SIRT5: variants seen among roughly 807,000 people sequenced by gnomAD.
The protein encoded by SIRT5 is sirtuin 5.
A neutral mutation model predicts 40.0 loss-of-function variants in SIRT5; 26 were observed. That is an observed-to-expected ratio of 0.65 (90% confidence interval 0.48 to 0.90). The LOEUF is 0.90. Ranked by LOEUF, SIRT5 falls within the 40% of genes least tolerant of loss-of-function variation. The pLI is 0.00. For synonymous variants in SIRT5, 146 were observed against 149.1 expected (o/e 0.98, Z 0.15); for missense variants, 401 against 402.4 (o/e 1.00, Z 0.03).
At chr6:13,597,711 A>G (rs566966777) in intron 7 of SIRT5, among the ~76,000 whole-genome samples, 4 of 151,698 alleles carry the variant, frequency 2.6e-5, no homozygotes, top group African/African-American at 4.8e-5. Context: ...ACGCCTGGCT[A>G]TTTTTTGTGT....
At chr6:13,600,035 A>G (rs1338203940) in intron 8 of SIRT5, among the ~76,000 whole-genome samples, 2 of 152,244 alleles carry the variant, frequency 1.3e-5, no homozygotes, top group African/African-American at 4.8e-5. Flanking sequence ...CTACTGTAAG[A>G]CATTTGGGCT....
chr6:13,587,441 AT>A (rs1760228414), intron 3 of SIRT5, among the ~76,000 whole-genome samples: 1 of 152,178 alleles, frequency 6.6e-6, no homozygotes, highest in Non-Finnish European at 1.5e-5. Context: ...AGCTTCCCCC[AT>A]CATGAGTTCC....
chr6:13,611,199 G>GTA (rs1438493799), intron 9 of SIRT5, among the ~76,000 whole-genome samples: 13 of 97,344 alleles, frequency 1.3e-4, no homozygotes, highest in East Asian at 1.1e-3. Context: ...TGTTTTATGT[G>GTA]TGTGTGTGTA....
intron 9 of SIRT5, chr6:13,604,965 A>T (rs1021609228): frequency 1.0e-6 from 1 of 989,120 alleles, no homozygotes; most frequent in African/African-American, 1.7e-5. Context: ...TAACTGATCA[A>T]TGAAGCCAGC....
At chr6:13,592,153 G>C (rs1448488556) in intron 5 of SIRT5, among the ~76,000 whole-genome samples, 4 of 152,160 alleles carry the variant, frequency 2.6e-5, no homozygotes, top group South Asian at 2.1e-4. Flanking sequence ...GGTGGTCTAA[G>C]AGCCAGCAAC....
rs544491368 is a variant in SIRT5 at position 13,586,489 on chromosome 6, A to G, written c.116-1842A>G. ...CTAGGCAGTTTTCCCAGCCCCATTTATTAAATAGGGAATCTTTTCCCCCTT... is the reference window on the plus strand; with the variant it reads ...CTAGGCAGTTTTCCCAGCCCCATTTGTTAAATAGGGAATCTTTTCCCCCTT... On this transcript the variant is annotated intron_variant, in intron 3 of 9. Transcript: ENST00000606117. Among the ~76,000 whole-genome samples, 40 of 152,226 alleles carry G rather than the reference A, an allele frequency of 2.6e-4. No individual in the cohort carries two copies. In the South Asian group the frequency reaches 7.7e-3, roughly 29 times the overall value.
Position 13,588,484 on chromosome 6 carries a change from C to T in SIRT5, c.249+20C>T. 1 of 1,607,404 alleles carries T rather than the reference C, an allele frequency of 6.2e-7. No individual in the cohort carries two copies. The highest frequency in any genetic ancestry group is 1.1e-5 in the South Asian group (1 of 89,946). On this transcript the variant is annotated intron_variant, in intron 4 of 9. Coordinates refer to ENST00000606117, the MANE Select transcript of SIRT5 (RefSeq NM_012241.5). ...GCCCAGGTTTGTAAAGTTTCCAGAACATTAAAAGCCTCTGTCGAATGAAAC... is the reference window on the plus strand; with the variant it reads ...GCCCAGGTTTGTAAAGTTTCCAGAATATTAAAAGCCTCTGTCGAATGAAAC...
chr6:13,598,927 A>T (rs1014522642), intron 7 of SIRT5, 105 bp from the exon 8 acceptor site: 1 of 1,371,344 alleles, frequency 7.3e-7, no homozygotes, highest in African/African-American at 1.4e-5. Context: ...GAGGCATCAG[A>T]GGTGACCCAT....
chr6:13,615,029 G>T lies in SIRT5; in HGVS notation c.*3164G>T. ...GCGATTACCGGTTTTCTGAGCACCG[G>T]ACAGCGTGAGCCGTGCCAGCCCTGT... On this transcript the variant is annotated 3_prime_UTR_variant, in exon 10 of 10. Coordinates refer to ENST00000606117, the MANE Select transcript of SIRT5 (RefSeq NM_012241.5). 1 of 303,796 alleles carries T rather than the reference G, an allele frequency of 3.3e-6. No individual in the cohort carries two copies. The highest frequency in any genetic ancestry group is 6.1e-6 in the Non-Finnish European group (1 of 163,918). The allele number at this position is 303,796 out of a possible 1,614,324, so 18.8% of individuals were successfully genotyped here. A position where few individuals can be genotyped will look rare whatever the true frequency, so the allele number is the denominator to read the frequency against.
intron 1 of SIRT5, among the ~76,000 whole-genome samples, chr6:13,578,929 A>G (rs963542430): frequency 1.3e-5 from 2 of 152,124 alleles, no homozygotes; most frequent in Admixed American, 6.5e-5. Context: ...AAAGCTCCCA[A>G]TGACTGATCA....
chr6:13,597,026 A>C lies in SIRT5; in HGVS notation c.617+10A>C. ...TTGAGAAACTTCCCCGGTAGGTAGAAAACTCTGATTTGTACTGGTGTTCCA... is the reference window on the plus strand; with the variant it reads ...TTGAGAAACTTCCCCGGTAGGTAGACAACTCTGATTTGTACTGGTGTTCCA... On this transcript the variant is annotated intron_variant, in intron 7 of 9. Transcript: ENST00000606117. 6.2e-7 allele frequency: 1 copy of C among 1,609,586 alleles called. No homozygotes were observed. The highest frequency in any genetic ancestry group is 8.5e-7 in the Non-Finnish European group (1 of 1,178,070).
At position 13,599,032 on chromosome 6, in the gene SIRT5, G is replaced by GT. The variant is rs1425016378; in HGVS notation, c.619dup (p.Cys207LeufsTer2). The GT allele has an allele frequency of 6.2e-7, 1 of 1,613,766 alleles. No homozygotes were observed. The highest frequency in any genetic ancestry group is 1.3e-5 in the African/African-American group (1 of 74,862). On this transcript the variant is annotated frameshift_variant and splice_region_variant, in exon 8 of 10. Coordinates refer to ENST00000606117, the MANE Select transcript of SIRT5 (RefSeq NM_012241.5). LOFTEE classifies it high-confidence loss of function. ...TGGCTTAAGGATCCCATTCTTCCAG[G>GT]TGTGAAGAGGCAGGCTGCGGGGGCT... is the stretch of plus-strand genomic sequence containing the variant.
At chr6:13,576,122 G>A (rs1352599296) in intron 1 of SIRT5, among the ~76,000 whole-genome samples, 1 of 152,196 alleles carries the variant, frequency 6.6e-6, no homozygotes, top group East Asian at 1.9e-4. Flanking sequence ...ACACAGGAAT[G>A]CAGCTATCTC....
chr6:13,576,681 A>G (rs1758679986), intron 1 of SIRT5, among the ~76,000 whole-genome samples: 2 of 151,946 alleles, frequency 1.3e-5, no homozygotes, highest in South Asian at 2.1e-4. Flanking sequence ...CCATGTGTCT[A>G]TTTTTGCTTT....
intron 4 of SIRT5, among the ~76,000 whole-genome samples, chr6:13,588,908 G>A (rs1436670301): frequency 1.3e-5 from 2 of 152,156 alleles, no homozygotes; most frequent in Non-Finnish European, 2.9e-5. Flanking sequence ...CTGTGAAGGT[G>A]CGGATTTTTT....
intron 9 of SIRT5, among the ~76,000 whole-genome samples, chr6:13,610,146 CT>C (rs1006561688): frequency 1.7e-4 from 26 of 152,136 alleles, no homozygotes; most frequent in African/African-American, 6.0e-4. Flanking sequence ...TTACTGTTAC[CT>C]TTTTGTAGAG....
intron 8 of SIRT5, among the ~76,000 whole-genome samples, chr6:13,599,852 TATTA>T (rs1324403720): frequency 2.6e-5 from 4 of 152,252 alleles, no homozygotes; most frequent in African/African-American, 7.2e-5. Context: ...GATGTACACG[TATTA>T]ATTAAAATTC....
At chr6:13,582,425 T>G (rs1235109141) in intron 2 of SIRT5, among the ~76,000 whole-genome samples, 1 of 152,182 alleles carries the variant, frequency 6.6e-6, no homozygotes, top group Admixed American at 6.5e-5. Flanking sequence ...TTCGCATTGT[T>G]GTGTAGCTAA....
chr6:13,603,965 C>T (rs746402588), intron 9 of SIRT5, among the ~76,000 whole-genome samples: 2 of 152,156 alleles, frequency 1.3e-5, no homozygotes, highest in Non-Finnish European at 2.9e-5. Context: ...TATGGTATGA[C>T]TTCATTTATA....
Sources: allele counts gnomAD v4.1 joint callset (sites outside exome capture counted in the v4.1 genomes callset), GRCh38; gene constraint gnomAD v4.1.1; transcripts MANE v1.5; gene names NCBI Gene and HGNC (gene_info 2026-07-23, HGNC 2026-07-21).